The following RIPOR3 variants were observed in gnomAD, a reference collection of about 807,000 sequenced individuals.
RIPOR3 encodes family with sequence similarity 65 member C.
Under a neutral mutation model 114.3 loss-of-function variants are expected in RIPOR3, and 95 were observed. The ratio of observed to expected loss-of-function variants is 0.83; its 90% CI spans 0.70 to 0.99. RIPOR3 has a LOEUF of 0.99. RIPOR3 is among the 50% of genes least tolerant of loss of function. The pLI, the probability that RIPOR3 is intolerant of heterozygous loss-of-function variation, is 0.00. For synonymous variants in RIPOR3, 575 were observed against 543.8 expected (o/e 1.06, Z -0.80); for missense variants, 1,252 against 1,266.9 (o/e 0.99, Z 0.18).
intron 1 of RIPOR3, among the ~76,000 whole-genome samples, chr20:50,644,704 T>G (rs142853491): frequency 9.0e-6 from 1 of 110,702 alleles, no homozygotes; most frequent in African/African-American, 4.0e-5. Context: ...TTTTTTTTTG[T>G]AGAGACGGAG....
intron 4 of RIPOR3, 92 bp from the exon 5 acceptor site, chr20:50,611,296 TCA>T: frequency 6.5e-7 from 1 of 1,543,472 alleles, no homozygotes. Flanking sequence ...GCGCCTGAGC[TCA>T]GAGTCAGAGG....
At chr20:50,589,953 G>GC in intron 19 of RIPOR3, 184 bp from the exon 20 acceptor site, 2 of 547,326 alleles carry the variant, frequency 3.7e-6, no homozygotes, top group Non-Finnish European at 3.3e-6. Context: ...CTATACTGTG[G>GC]TGTTTAATTT....
At chr20:50,648,870 G>A (rs991861637) in intron 1 of RIPOR3, among the ~76,000 whole-genome samples, 1 of 152,168 alleles carries the variant, frequency 6.6e-6, no homozygotes, top group Non-Finnish European at 1.5e-5. Flanking sequence ...TACAGATGAA[G>A]CTTCGCTTAC....
At position 50,689,202 on chromosome 20, in the gene RIPOR3, A is replaced by T. The variant is rs1190600837; in HGVS notation, c.3+1924T>A. Among the ~76,000 whole-genome samples, 4 of 134,244 alleles carry T rather than the reference A, an allele frequency of 3.0e-5. No homozygotes were observed. The South Asian group carries it at 9.4e-4, about 32-fold the overall frequency. 88.1% of individuals were successfully genotyped at this position (134,244 alleles called of 152,430 possible). On this transcript the variant is annotated intron_variant, in intron 1 of 21. Transcript: ENST00000327979. ...TTTTTTTTTTTTTTTTTTGAGACGAAGTCTCGTTCTGTTGGCCAGGCTGGA... is the reference window on the plus strand; with the variant it reads ...TTTTTTTTTTTTTTTTTTGAGACGATGTCTCGTTCTGTTGGCCAGGCTGGA...
rs758136486 is a variant in RIPOR3 at position 50,608,753 on chromosome 20, G to T, written c.685-15C>A. 6.2e-7 allele frequency: 1 copy of T among 1,613,706 alleles called. No individual in the cohort carries two copies. Among genetic ancestry groups the T allele is most frequent in the Admixed American group, 1.7e-5 (1 of 60,018 alleles). On this transcript the variant is annotated splice_polypyrimidine_tract_variant and intron_variant, in intron 9 of 21. Coordinates refer to ENST00000327979, the MANE Select transcript of RIPOR3 (RefSeq NM_001290268.2). ...CGCATGAGCACCTGTGAACCAGCCC[G>T]AGAGGGGCCGCGTCAGCCCAGGTGG... is the stretch of plus-strand genomic sequence containing the variant.
chr20:50,660,207 C>T (rs2085948905), intron 1 of RIPOR3: 2 of 152,320 alleles, frequency 1.3e-5, no homozygotes, highest in Admixed American at 6.5e-5. Context: ...ACCTGAAACC[C>T]ACTCTACTTG....
intron 19 of RIPOR3, among the ~76,000 whole-genome samples, chr20:50,591,673 ACAG>A (rs2083112943): frequency 6.6e-6 from 1 of 152,220 alleles, no homozygotes; most frequent in Non-Finnish European, 1.5e-5. Flanking sequence ...CCTTAAACGT[ACAG>A]TAGTTACAGG....
chr20:50,603,814 A>G (rs2083590751), intron 12 of RIPOR3, among the ~76,000 whole-genome samples: 1 of 152,238 alleles, frequency 6.6e-6, no homozygotes, highest in African/African-American at 2.4e-5. Context: ...GTTGATGTTC[A>G]TTAACTCAGT....
At chr20:50,635,949 A>G (rs2084971133) in intron 1 of RIPOR3, among the ~76,000 whole-genome samples, 1 of 152,234 alleles carries the variant, frequency 6.6e-6, no homozygotes, top group Non-Finnish European at 1.5e-5. Flanking sequence ...CTAGAAAGAT[A>G]GCCCTGGGTG....
At chr20:50,662,730 G>T (rs2086039114) in intron 1 of RIPOR3, among the ~76,000 whole-genome samples, 1 of 145,672 alleles carries the variant, frequency 6.9e-6, no homozygotes, top group Admixed American at 6.9e-5. Flanking sequence ...TCTCTGGCTG[G>T]TGACACGGGG....
At chr20:50,660,393 G>T (rs1568936886) in intron 1 of RIPOR3, 1 of 152,124 alleles carries the variant, frequency 6.6e-6, no homozygotes, top group Non-Finnish European at 1.5e-5. Flanking sequence ...AAAACAGAAG[G>T]GAGACTGCAA....
chr20:50,655,008 C>A lies in RIPOR3; in HGVS notation c.4-24152G>T, dbSNP rs962528379. Among the ~76,000 whole-genome samples, 8 of 152,356 alleles carry A rather than the reference C, an allele frequency of 5.3e-5. No individual in the cohort carries two copies. In the South Asian group the frequency reaches 6.2e-4, roughly 12 times the overall value. On this transcript the variant is annotated intron_variant, in intron 1 of 21. Coordinates refer to ENST00000327979, the MANE Select transcript of RIPOR3 (RefSeq NM_001290268.2). Reference sequence around the variant, plus strand: ...CATCCATTTGCCCAACTAGGCCCCCCAGAGTGCTGGGATTATGGGCGTGAG... The same window carrying A: ...CATCCATTTGCCCAACTAGGCCCCCAAGAGTGCTGGGATTATGGGCGTGAG...
intron 1 of RIPOR3, among the ~76,000 whole-genome samples, chr20:50,632,807 A>C (rs953149231): frequency 5.9e-5 from 9 of 152,366 alleles, no homozygotes; most frequent in Non-Finnish European, 1.2e-4. Context: ...GAGCCCCAGC[A>C]GGGCACCTGA....
At chr20:50,674,905 A>T (rs576540724) in intron 1 of RIPOR3, among the ~76,000 whole-genome samples, 1 of 152,214 alleles carries the variant, frequency 6.6e-6, no homozygotes, top group Admixed American at 6.6e-5. Context: ...CAACATAGCA[A>T]GACCCCATCT....
rs774203214 is a variant in RIPOR3, at chr20:50,594,543, G to A, written c.2212+10C>T. 1.2e-6 allele frequency: 2 copies of A among 1,611,708 alleles called. No individual in the cohort carries two copies. The highest frequency in any genetic ancestry group is 2.2e-5 in the South Asian group (2 of 90,900). ...TGTGGGAGGGGACGACAGGACAGAA[G>A]GGAACCCACCTATTTCCAGCTGTCC... On this transcript the variant is annotated intron_variant, in intron 17 of 21. Coordinates refer to ENST00000327979, the MANE Select transcript of RIPOR3 (RefSeq NM_001290268.2).
rs1013754910 is a variant in RIPOR3 at position 50,594,806 on chromosome 20, G to T, written c.2051-92C>A. The T allele has an allele frequency of 4.9e-6, 7 of 1,425,684 alleles. No individual in the cohort carries two copies. The Admixed American group carries it at 1.4e-4, about 29-fold the overall frequency. 88.3% of individuals were successfully genotyped at this position (1,425,684 alleles called of 1,614,324 possible). ...TTTCCCTCCACTAGGACCTGAGGGG[G>T]TAGGGAGGAGGGGACGGTGTGGCTT... On this transcript the variant is annotated intron_variant, in intron 16 of 21. Transcript: ENST00000327979.
chr20:50,661,039 A>C lies in RIPOR3; in HGVS notation c.3+30087T>G, dbSNP rs184783628. On this transcript the variant is annotated intron_variant, in intron 1 of 21. Transcript: ENST00000327979. ...GATCACCTGAGGTCAGGAGTACAAG[A>C]CCAACCTGACCAACATGGTGAAAAC... Among the ~76,000 whole-genome samples, 271 of 151,850 alleles carry C rather than the reference A, an allele frequency of 1.8e-3. 1 individual carries two copies. The highest frequency in any genetic ancestry group is 6.8e-3 in the Middle Eastern group (2 of 294).
chr20:50,616,153 A>G (rs1404984368), intron 3 of RIPOR3, 73 bp from the exon 4 acceptor site: 1 of 1,472,506 alleles, frequency 6.8e-7, no homozygotes, highest in African/African-American at 1.4e-5. Context: ...CCAAATGGAC[A>G]ATGTCCCCAC....
At chr20:50,609,932 TCTGCCTCAC>T (rs199566755) in intron 6 of RIPOR3, among the ~76,000 whole-genome samples, 64 of 148,166 alleles carry the variant, frequency 4.3e-4, no homozygotes, top group African/African-American at 1.1e-3. Context: ...AGGGACCACA[TCTGCCTCAC>T]CTGCCTCACC....
Sources: allele counts gnomAD v4.1 joint callset (sites outside exome capture counted in the v4.1 genomes callset), GRCh38; gene constraint gnomAD v4.1.1; transcripts MANE v1.5; gene names NCBI Gene and HGNC (gene_info 2026-07-23, HGNC 2026-07-21).